KLHL29: variants seen among roughly 807,000 people sequenced by gnomAD.
KLHL29 encodes kelch like family member 29, also known as kelch-like protein 29.
In KLHL29, 21 loss-of-function variants were observed where a neutral mutation model predicts 80.4. The ratio of observed to expected loss-of-function variants is 0.26; its 90% CI spans 0.19 to 0.38. KLHL29 has a LOEUF of 0.38. Among genes scored for constraint, KLHL29 ranks in the 10% least tolerant of loss-of-function variants. The pLI, the probability that KLHL29 is intolerant of heterozygous loss-of-function variation, is 1.00. For missense variants in KLHL29, 867 were observed against 1,223.9 expected (o/e 0.71, Z 4.35); for synonymous variants, 511 against 526.8 (o/e 0.97, Z 0.41).
intron 2 of KLHL29, chr2:23,524,229 C>T: frequency 3.3e-6 from 1 of 304,012 alleles, no homozygotes; most frequent in Non-Finnish European, 6.8e-6. Context: ...GTGCCCGGCT[C>T]CTCATCCACA....
chr2:23,546,009 C>T (rs1341751076), intron 2 of KLHL29, among the ~76,000 whole-genome samples: 2 of 152,258 alleles, frequency 1.3e-5, no homozygotes, highest in East Asian at 1.9e-4. Flanking sequence ...CCTGTGCCTA[C>T]AGACCGGGTT....
intron 2 of KLHL29, among the ~76,000 whole-genome samples, chr2:23,495,563 A>G (rs1459574899): frequency 6.6e-6 from 1 of 152,036 alleles, no homozygotes; most frequent in East Asian, 1.9e-4. Context: ...GTCCCCTGGG[A>G]CTCGGGACAT....
intron 3 of KLHL29, among the ~76,000 whole-genome samples, chr2:23,597,296 C>CT (rs111785339): frequency 0.012 from 700 of 59,400 alleles, 2 homozygotes; most frequent in African/African-American, 0.027. Context: ...CTCTCTCTCT[C>CT]ATATATATAT....
intron 1 of KLHL29, among the ~76,000 whole-genome samples, chr2:23,424,595 A>C (rs1437885345): frequency 6.6e-6 from 1 of 152,232 alleles, no homozygotes; most frequent in Non-Finnish European, 1.5e-5. Context: ...TACCAGATCC[A>C]TAAGTTGTGA....
intron 3 of KLHL29, among the ~76,000 whole-genome samples, chr2:23,609,905 C>A (rs1038544861): frequency 6.6e-6 from 1 of 152,130 alleles, no homozygotes; most frequent in Non-Finnish European, 1.5e-5. Flanking sequence ...TGAACCCACC[C>A]CTGACCCCCC....
chr2:23,573,617 T>C (rs1667770796), intron 3 of KLHL29, among the ~76,000 whole-genome samples: 1 of 152,166 alleles, frequency 6.6e-6, no homozygotes, highest in South Asian at 2.1e-4. Context: ...GTTTTGCTCA[T>C]CAGGGTTTGA....
chr2:23,669,780 C>T lies in KLHL29; in HGVS notation c.941-14619C>T, dbSNP rs878871854. Among the ~76,000 whole-genome samples the T allele has an allele frequency of 6.6e-6, 1 of 152,236 alleles. No homozygotes were observed. The highest frequency in any genetic ancestry group is 1.9e-4 in the East Asian group (1 of 5,166). On this transcript the variant is annotated intron_variant, in intron 5 of 13. Coordinates refer to ENST00000486442, the MANE Select transcript of KLHL29 (RefSeq NM_052920.2). This position sits in a 1 kb window ranked among gnomAD's most constrained non-coding sequence, Gnocchi z 4.3. ...GGCCCCCAGAACCCAGGGCTGCAGC[C>T]GAGTACACAGGCCTGGCCCCGCCAG...
At chr2:23,651,637 C>T (rs145535278) in intron 5 of KLHL29, among the ~76,000 whole-genome samples, 44 of 152,344 alleles carry the variant, frequency 2.9e-4, no homozygotes, top group Non-Finnish European at 6.0e-4. Context: ...GAGCATCACA[C>T]TGTAGATATT....
At chr2:23,511,851 A>T (rs1198243715) in intron 2 of KLHL29, among the ~76,000 whole-genome samples, 1 of 152,128 alleles carries the variant, frequency 6.6e-6, no homozygotes, top group Non-Finnish European at 1.5e-5. Flanking sequence ...GGGGGAACCC[A>T]GCTGGTGAAC....
intron 3 of KLHL29, among the ~76,000 whole-genome samples, chr2:23,610,184 G>C (rs1019597390): frequency 3.3e-5 from 5 of 152,298 alleles, no homozygotes; most frequent in South Asian, 2.1e-4. Context: ...GGACTGTCTT[G>C]GGGTGGGATG....
intron 3 of KLHL29, among the ~76,000 whole-genome samples, chr2:23,608,124 A>C (rs1200569558): frequency 6.6e-6 from 1 of 152,236 alleles, no homozygotes; most frequent in South Asian, 2.1e-4. Context: ...TGTCCACACA[A>C]AGACAGTAAT....
At chr2:23,524,133 A>C in intron 2 of KLHL29, 4 of 427,202 alleles carry the variant, frequency 9.4e-6, no homozygotes, top group Non-Finnish European at 1.5e-5. Flanking sequence ...AAGTGTTCCC[A>C]TTTCTCGGAA....
intron 3 of KLHL29, among the ~76,000 whole-genome samples, chr2:23,607,465 T>C (rs781294042): frequency 4.6e-5 from 7 of 152,240 alleles, no homozygotes; most frequent in African/African-American, 7.2e-5. Flanking sequence ...TTTGGTTTTT[T>C]AGTCTTGAAC....
At chr2:23,577,332 T>C (rs1376310541) in intron 3 of KLHL29, among the ~76,000 whole-genome samples, 2 of 152,028 alleles carry the variant, frequency 1.3e-5, no homozygotes, top group Non-Finnish European at 2.9e-5. Flanking sequence ...GAGTCTTTAA[T>C]CTCAGCTGCT....
chr2:23,521,774 A>G (rs542380316), intron 2 of KLHL29, among the ~76,000 whole-genome samples: 25 of 152,322 alleles, frequency 1.6e-4, no homozygotes, highest in Non-Finnish European at 3.4e-4. Flanking sequence ...GCCAGGACGT[A>G]AGGCTCTGTT....
At position 23,696,144 on chromosome 2, in the gene KLHL29, C is replaced by G; in HGVS notation, c.1924+11C>G. ...ACATCTACCTCTCAGGTGAGGCCCC[C>G]CGGGGTTGGGGCGGGACCAGGCATG... is the stretch of plus-strand genomic sequence containing the variant. On this transcript the variant is annotated intron_variant, in intron 10 of 13. Transcript: ENST00000486442. This position sits in a 1 kb window ranked among gnomAD's most constrained non-coding sequence, Gnocchi z 5.5. 1.3e-6 allele frequency: 2 copies of G among 1,549,434 alleles called. No homozygotes were observed. Among genetic ancestry groups the G allele is most frequent in the Non-Finnish European group, 1.7e-6 (2 of 1,145,610 alleles).
At chr2:23,403,605 G>T (rs1653812048) in intron 1 of KLHL29, among the ~76,000 whole-genome samples, 1 of 152,036 alleles carries the variant, frequency 6.6e-6, no homozygotes, top group South Asian at 2.1e-4. Context: ...GCAAAAAGGT[G>T]CAATTAACCA....
chr2:23,626,107 G>A (rs916944463), intron 3 of KLHL29, among the ~76,000 whole-genome samples: 13 of 152,088 alleles, frequency 8.5e-5, no homozygotes, highest in Middle Eastern at 6.8e-3. Flanking sequence ...GAGTTGGGGG[G>A]GCAGTTTCTG....
At chr2:23,459,647 A>G (rs17496961) in intron 1 of KLHL29, among the ~76,000 whole-genome samples, 5,323 of 152,312 alleles carry the variant, frequency 0.035, 119 homozygotes, top group Middle Eastern at 0.068. Context: ...GCACAGTGAG[A>G]CTGGCCACGG....
Sources: allele counts gnomAD v4.1 joint callset (sites outside exome capture counted in the v4.1 genomes callset), GRCh38; gene constraint gnomAD v4.1.1; non-coding constraint Gnocchi (gnomAD v3.1); transcripts MANE v1.5; gene names NCBI Gene and HGNC (gene_info 2026-07-23, HGNC 2026-07-21).